The following MAP2K1 variants were observed in gnomAD, a reference collection of about 807,000 sequenced individuals.
The protein encoded by MAP2K1 is mitogen-activated protein kinase kinase 1, also known as dual specificity mitogen-activated protein kinase kinase 1.
A neutral mutation model predicts 46.3 loss-of-function variants in MAP2K1; 16 were observed. That is an observed-to-expected ratio of 0.35 (90% CI 0.23 to 0.52). The LOEUF (loss-of-function observed/expected upper bound fraction) is 0.52, where lower values mean the gene tolerates loss of function less well. MAP2K1 is among the 20% of genes least tolerant of loss of function. The probability of loss-of-function intolerance (pLI) is 0.94; values close to 1 mark genes in which losing one functional copy is unlikely to be tolerated. For synonymous variants in MAP2K1, 183 were observed against 185.6 expected, an observed-to-expected ratio of 0.99 and a Z score of 0.11; for missense variants, 263 against 497.1, an observed-to-expected ratio of 0.53 and a Z score of 4.48.
intron 1 of MAP2K1, among the ~76,000 whole-genome samples, chr15:66,416,109 G>C (rs1323830802): frequency 6.6e-6 from 1 of 152,046 alleles, no homozygotes; most frequent in Non-Finnish European, 1.5e-5. Flanking sequence ...CCACTCTCAG[G>C]ATATTCTCAG....
At position 66,388,576 on chromosome 15, in the gene MAP2K1, G is replaced by T. The variant is rs949378978; in HGVS notation, c.80+1149G>T. On this transcript the variant is annotated intron_variant, in intron 1 of 10. Transcript: ENST00000307102. ...TTTTTTAAACTTTTATACAGATGGG[G>T]TCTTGCTATATTGCTTAGGCTGGTC... is the stretch of plus-strand genomic sequence containing the variant. Among the ~76,000 whole-genome samples the T allele has an allele frequency of 3.9e-5, 6 of 152,238 alleles. No homozygotes were observed. In the South Asian group the frequency reaches 1.2e-3, roughly 32 times the overall value.
At chr15:66,424,007 C>G (rs144571640) in intron 1 of MAP2K1, among the ~76,000 whole-genome samples, 2,973 of 152,136 alleles carry the variant, frequency 0.02, 57 homozygotes, top group Non-Finnish European at 0.032. Flanking sequence ...CCTGCCTTGG[C>G]CTCCCAAAGT....
chr15:66,443,483 C>T, intron 4 of MAP2K1, 126 bp downstream of exon 4: 1 of 692,410 alleles, frequency 1.4e-6, no homozygotes, highest in Admixed American at 2.0e-5. Flanking sequence ...GTGGTATTTT[C>T]TCACTAGACT....
intron 1 of MAP2K1, among the ~76,000 whole-genome samples, chr15:66,431,400 A>G (rs993800095): frequency 6.6e-6 from 1 of 152,208 alleles, no homozygotes; most frequent in Non-Finnish European, 1.5e-5. Context: ...GAAAGCCACT[A>G]CAGGATCTTT....
At chr15:66,482,893 G>A (rs377084528) in intron 6 of MAP2K1, among the ~76,000 whole-genome samples, 1 of 152,144 alleles carries the variant, frequency 6.6e-6, no homozygotes, top group Admixed American at 6.5e-5. Flanking sequence ...GCAGGCCCGC[G>A]TGGAGAGGGG....
chr15:66,434,449 A>G (rs2093482333), intron 1 of MAP2K1, among the ~76,000 whole-genome samples: 1 of 152,208 alleles, frequency 6.6e-6, no homozygotes, highest in South Asian at 2.1e-4. Context: ...GAATGGGCGA[A>G]TGAATGCAGA....
At chr15:66,438,015 T>C (rs898240592) in intron 3 of MAP2K1, among the ~76,000 whole-genome samples, 1 of 141,040 alleles carries the variant, frequency 7.1e-6, no homozygotes, top group Non-Finnish European at 1.6e-5. Context: ...GGGTCTCTTG[T>C]GTTCTTTTTT....
intron 1 of MAP2K1, among the ~76,000 whole-genome samples, chr15:66,398,805 C>G (rs995365400): frequency 2.7e-5 from 4 of 146,792 alleles, no homozygotes; most frequent in African/African-American, 1.0e-4. Context: ...GACAGTCTCA[C>G]TCTTGTCGTC....
At position 66,491,405 on chromosome 15, in the gene MAP2K1, C is replaced by T. The variant is rs1893253542; in HGVS notation, c.*790C>T. 4.3e-6 allele frequency: 1 copy of T among 230,670 alleles called. No homozygotes were observed. The highest frequency in any genetic ancestry group is 1.8e-4 in the South Asian group (1 of 5,560). 14.3% of individuals were successfully genotyped at this position (230,670 alleles called of 1,614,324 possible). Reference sequence around the variant, plus strand: ...ATTTATCTTTCCCCATATCCAAGTACCAATGCTGTTGTAAACAACGTGTAT... The same window carrying T: ...ATTTATCTTTCCCCATATCCAAGTATCAATGCTGTTGTAAACAACGTGTAT... On this transcript the variant is annotated 3_prime_UTR_variant, in exon 11 of 11. Coordinates refer to ENST00000307102, the MANE Select transcript of MAP2K1 (RefSeq NM_002755.4).
chr15:66,442,276 G>A (rs1206225824), intron 3 of MAP2K1, among the ~76,000 whole-genome samples: 1 of 152,126 alleles, frequency 6.6e-6, no homozygotes, highest in African/African-American at 2.4e-5. Context: ...GTGGGGTTCT[G>A]GTCACAGCCG....
intron 5 of MAP2K1, among the ~76,000 whole-genome samples, chr15:66,467,712 C>T (rs1892502077): frequency 6.6e-6 from 1 of 152,190 alleles, no homozygotes; most frequent in African/African-American, 2.4e-5. Context: ...AGGTGCCTGC[C>T]ACCACGCCCA....
At chr15:66,437,200 C>G (rs1326304039) in intron 3 of MAP2K1, among the ~76,000 whole-genome samples, 4 of 152,252 alleles carry the variant, frequency 2.6e-5, no homozygotes, top group South Asian at 4.1e-4. Context: ...CTGGTAAATA[C>G]AGTTTAAATC....
intron 1 of MAP2K1, among the ~76,000 whole-genome samples, chr15:66,432,019 G>A (rs1343314421): frequency 6.6e-6 from 1 of 152,184 alleles, no homozygotes; most frequent in African/African-American, 2.4e-5. Flanking sequence ...CGCAAAGGAC[G>A]TGATCTCGTT....
At chr15:66,446,357 T>G (rs1891866967) in intron 5 of MAP2K1, 1 of 152,030 alleles carries the variant, frequency 6.6e-6, no homozygotes, top group South Asian at 2.0e-4. Flanking sequence ...GAGAATGGTG[T>G]CAACCCAGGA....
At chr15:66,430,296 G>A (rs1006858053) in intron 1 of MAP2K1, among the ~76,000 whole-genome samples, 1 of 152,086 alleles carries the variant, frequency 6.6e-6, no homozygotes, top group Admixed American at 6.6e-5. Flanking sequence ...GGGCTCTCTG[G>A]TAAGAACACC....
At chr15:66,413,000 A>G (rs2093415133) in intron 1 of MAP2K1, among the ~76,000 whole-genome samples, 1 of 152,044 alleles carries the variant, frequency 6.6e-6, no homozygotes, top group Non-Finnish European at 1.5e-5. Flanking sequence ...GGTTCAAGCA[A>G]TTCTCGTGCC....
intron 5 of MAP2K1, among the ~76,000 whole-genome samples, chr15:66,469,022 C>T (rs1248367941): frequency 1.3e-5 from 2 of 150,110 alleles, no homozygotes; most frequent in Non-Finnish European, 2.9e-5. Context: ...CTTTGGGAGG[C>T]CGAGGCGGGT....
chr15:66,437,197 A>G (rs2093490603), intron 3 of MAP2K1, among the ~76,000 whole-genome samples: 1 of 152,182 alleles, frequency 6.6e-6, no homozygotes, highest in African/African-American at 2.4e-5. Context: ...AATCTGGTAA[A>G]TACAGTTTAA....
intron 1 of MAP2K1, among the ~76,000 whole-genome samples, chr15:66,412,716 G>A (rs779651937): frequency 3.3e-5 from 5 of 151,962 alleles, no homozygotes; most frequent in Non-Finnish European, 5.9e-5. Flanking sequence ...GGGTCTTGCC[G>A]TATTGCCCAG....
Sources: gnomAD v4.1 joint callset for allele counts (sites outside exome capture counted in the v4.1 genomes callset) on GRCh38, gnomAD v4.1.1 for gene constraint, MANE v1.5 for transcripts, NCBI Gene and HGNC (gene_info 2026-07-23, HGNC 2026-07-21) for gene names.